RSU1: variants seen among roughly 807,000 people sequenced by gnomAD.
RSU1 encodes Ras suppressor protein 1.
Under a neutral mutation model 31.1 loss-of-function variants are expected in RSU1, and 26 were observed. The ratio of observed to expected loss-of-function variants is 0.84; its 90% CI spans 0.61 to 1.16. The LOEUF (loss-of-function observed/expected upper bound fraction) is 1.16. Among genes scored for constraint, RSU1 ranks in the 50% most tolerant of loss-of-function variants. RSU1 has a pLI of 0.00. For synonymous variants in RSU1, 164 were observed against 136.3 expected, an observed-to-expected ratio of 1.20 and a Z score of -1.41; for missense variants, 320 against 339.1, an observed-to-expected ratio of 0.94 and a Z score of 0.44.
At position 16,754,892 on chromosome 10, in the gene RSU1, G is replaced by T. The variant is rs1564345227; in HGVS notation, c.379C>A (p.Pro127Thr). Reference sequence around the variant, plus strand: ...TTACTCAGGTAGAAGAAGTTTCCAGGAAGAGAATTTTCGCTCAAGTTGTTG... The same window carrying T: ...TTACTCAGGTAGAAGAAGTTTCCAGTAAGAGAATTTTCGCTCAAGTTGTTG... ...TYNNLSENSL[P>T]GNFFYLTTLR... The change falls in exon 5 of 9, where the codon CCT becomes ACT. Residue 127 changes from proline (P) to threonine (T), a missense_variant. By Grantham distance (38) the Pro-to-Thr change is conservative. Transcript: ENST00000345264. The T allele has an allele frequency of 6.2e-7, 1 of 1,610,358 alleles. No homozygotes were observed. The highest frequency in any genetic ancestry group is 1.3e-5 in the African/African-American group (1 of 74,782).
intron 8 of RSU1, among the ~76,000 whole-genome samples, chr10:16,693,045 C>T (rs979585158): frequency 6.6e-6 from 1 of 152,170 alleles, no homozygotes; most frequent in Non-Finnish European, 1.5e-5. Context: ...TCACTGCAAC[C>T]TCTGCCTCCC....
intron 8 of RSU1, among the ~76,000 whole-genome samples, chr10:16,629,056 G>T (rs888364850): frequency 1.3e-5 from 2 of 152,098 alleles, no homozygotes; most frequent in Non-Finnish European, 1.5e-5. Flanking sequence ...CGCTGCCATG[G>T]AGTGAAACTC....
rs866033177 is a variant in RSU1 at position 16,752,581 on chromosome 10, G to A, written c.556C>T (p.His186Tyr). The change falls in exon 7 of 9, where the codon CAC becomes TAC. Residue 186 changes from histidine to tyrosine, a missense_variant. Physicochemically the swap from His to Tyr is moderately conservative, Grantham distance 83. Transcript: ENST00000345264. The part of the protein sequence containing the change: ...IGELTQLKEL[H>Y]IQGNRLTVLP... ...ACGGTGAGGCGGTTCCCCTGAATGT[G>A]GAGCTCTTTAAGCTGGGTAAGCTCC... 1 of 1,614,114 alleles carries A rather than the reference G, an allele frequency of 6.2e-7. No individual in the cohort carries two copies. The highest frequency in any genetic ancestry group is 2.2e-5 in the East Asian group (1 of 44,880).
intron 7 of RSU1, among the ~76,000 whole-genome samples, chr10:16,749,546 C>G (rs1351264945): frequency 6.6e-6 from 1 of 152,170 alleles, no homozygotes; most frequent in African/African-American, 2.4e-5. Context: ...GCTTCATATG[C>G]ATCACCAGTG....
chr10:16,694,920 T>C, intron 8 of RSU1, 103 bp downstream of exon 8: 1 of 1,093,964 alleles, frequency 9.1e-7, no homozygotes, highest in Non-Finnish European at 1.3e-6. Context: ...TGCTAAGTGC[T>C]AACTGCCATC....
chr10:16,684,849 A>C (rs916108694), intron 8 of RSU1, among the ~76,000 whole-genome samples: 2 of 152,212 alleles, frequency 1.3e-5, no homozygotes, highest in African/African-American at 2.4e-5. Context: ...TCACAAAAAA[A>C]CCCCAAAACT....
intron 2 of RSU1, among the ~76,000 whole-genome samples, chr10:16,787,714 T>C (rs1330237655): frequency 1.3e-5 from 2 of 152,216 alleles, no homozygotes; most frequent in African/African-American, 4.8e-5. Context: ...CCATGTAAGA[T>C]GTCCCTTTGC....
chr10:16,591,891 G>A lies in RSU1; in HGVS notation c.*1503C>T, dbSNP rs1314452502. The A allele has an allele frequency of 5.3e-5, 8 of 152,124 alleles. No homozygotes were observed. The highest frequency in any genetic ancestry group is 4.6e-4 in the Admixed American group (7 of 15,272). 9.4% of individuals were successfully genotyped at this position (152,124 alleles called of 1,614,324 possible). A position where few individuals can be genotyped will look rare whatever the true frequency, so the allele number is the denominator to read the frequency against. On this transcript the variant is annotated 3_prime_UTR_variant, in exon 9 of 9. Coordinates refer to ENST00000345264, the MANE Select transcript of RSU1 (RefSeq NM_012425.4). ...AGGCATACATGGCACCTATAAAAAT[G>A]ATATCAACTCTATCCCTAAACAGGG...
intron 8 of RSU1, among the ~76,000 whole-genome samples, chr10:16,666,075 T>C (rs1834982249): frequency 6.6e-6 from 1 of 152,226 alleles, no homozygotes. Flanking sequence ...TTTTGGCTTA[T>C]GCTTTTTTAA....
intron 7 of RSU1, among the ~76,000 whole-genome samples, chr10:16,704,671 C>G (rs2131574593): frequency 6.6e-6 from 1 of 152,256 alleles, no homozygotes; most frequent in Admixed American, 6.5e-5. Flanking sequence ...GGCTGAAAGC[C>G]CTATTACCTG....
chr10:16,596,468 A>C (rs183224097), intron 8 of RSU1, among the ~76,000 whole-genome samples: 2 of 152,118 alleles, frequency 1.3e-5, no homozygotes, highest in African/African-American at 4.8e-5. Context: ...CACTGACTCA[A>C]TGCTCAAGGG....
At chr10:16,762,891 T>C (rs1237532801) in intron 4 of RSU1, among the ~76,000 whole-genome samples, 5 of 151,756 alleles carry the variant, frequency 3.3e-5, no homozygotes, top group South Asian at 4.1e-4. Context: ...CGCACGCCTG[T>C]AGTCCCAGCT....
intron 8 of RSU1, among the ~76,000 whole-genome samples, chr10:16,678,427 T>C (rs1835271550): frequency 1.3e-5 from 2 of 152,194 alleles, no homozygotes; most frequent in Admixed American, 6.5e-5. Context: ...GTCTTTCAAA[T>C]TGTCTCTTTC....
chr10:16,669,559 A>G (rs1230341168), intron 8 of RSU1, among the ~76,000 whole-genome samples: 1 of 152,162 alleles, frequency 6.6e-6, no homozygotes, highest in Non-Finnish European at 1.5e-5. Flanking sequence ...ACTCATCTAC[A>G]AAAGCTGCCA....
chr10:16,644,978 T>C (rs772664772), intron 8 of RSU1, among the ~76,000 whole-genome samples: 2 of 152,234 alleles, frequency 1.3e-5, no homozygotes, highest in Admixed American at 6.5e-5. Context: ...GGAAATTGTA[T>C]GATAATATTT....
intron 8 of RSU1, among the ~76,000 whole-genome samples, chr10:16,687,414 GA>G (rs1161462287): frequency 7.9e-5 from 12 of 152,014 alleles, no homozygotes; most frequent in Non-Finnish European, 1.8e-4. Flanking sequence ...AAAAGCCTGT[GA>G]AAACATCATA....
At chr10:16,673,439 T>C (rs1835157305) in intron 8 of RSU1, among the ~76,000 whole-genome samples, 13 of 152,078 alleles carry the variant, frequency 8.5e-5, no homozygotes, top group Non-Finnish European at 1.5e-5. Context: ...ATACCAATTT[T>C]CTCCTCAACA....
At chr10:16,758,835 G>C (rs1588516792) in intron 4 of RSU1, among the ~76,000 whole-genome samples, 1 of 152,212 alleles carries the variant, frequency 6.6e-6, no homozygotes, top group East Asian at 1.9e-4. Context: ...TTTTCTATTT[G>C]TGCCACACTT....
chr10:16,752,789 G>C, intron 6 of RSU1, 129 bp downstream of exon 6: 1 of 1,029,214 alleles, frequency 9.7e-7, no homozygotes, highest in Non-Finnish European at 1.5e-6. Flanking sequence ...GGATAATCAA[G>C]AAACACTATC....
Sources: allele counts gnomAD v4.1 joint callset (sites outside exome capture counted in the v4.1 genomes callset), GRCh38; gene constraint gnomAD v4.1.1; transcripts MANE v1.5; gene names NCBI Gene and HGNC (gene_info 2026-07-23, HGNC 2026-07-21).